LTBP1: variants seen among roughly 807,000 people sequenced by gnomAD.
LTBP1 encodes the protein latent transforming growth factor beta binding protein 1, also known as latent-transforming growth factor beta-binding protein 1.
Under a neutral mutation model 207.6 loss-of-function variants are expected in LTBP1, and 129 were observed. The ratio of observed to expected loss-of-function variants is 0.62; its 90% CI spans 0.54 to 0.72. LTBP1 has a LOEUF of 0.72. LTBP1 is among the 30% of genes least tolerant of loss of function. LTBP1 has a pLI of 0.00. For synonymous variants in LTBP1, 963 were observed against 833.7 expected (o/e 1.16, Z -2.67); for missense variants, 2,281 against 2,217.2 (o/e 1.03, Z -0.58).
intron 3 of LTBP1, among the ~76,000 whole-genome samples, chr2:33,102,282 G>T (rs1034288543): frequency 2.0e-5 from 3 of 151,350 alleles, no homozygotes; most frequent in South Asian, 2.1e-4. Context: ...CTGTTGGGGT[G>T]GGGGGCTGTT....
intron 5 of LTBP1, among the ~76,000 whole-genome samples, chr2:33,175,105 T>C (rs552884608): frequency 6.6e-6 from 1 of 152,134 alleles, no homozygotes; most frequent in African/African-American, 2.4e-5. Context: ...GGGCAAGGAC[T>C]TCATGTCTAA....
chr2:33,364,392 A>G (rs754896180), intron 30 of LTBP1, 36 bp downstream of exon 30: 2 of 1,581,070 alleles, frequency 1.3e-6, no homozygotes, highest in South Asian at 1.2e-5. Context: ...GTGTCCAAAT[A>G]ACTATCATAA....
chr2:33,186,779 G>A (rs2087250311), intron 5 of LTBP1, 77 bp from the exon 6 acceptor site: 1 of 1,087,920 alleles, frequency 9.2e-7, no homozygotes. Flanking sequence ...TGTATGTTTT[G>A]CAGGTTTTGT....
chr2:32,991,166 CAG>C (rs1558482898), intron 2 of LTBP1, among the ~76,000 whole-genome samples: 1 of 152,158 alleles, frequency 6.6e-6, no homozygotes, highest in Non-Finnish European at 1.5e-5. Flanking sequence ...AGTTACGAAA[CAG>C]AAGATATGAT....
At chr2:32,967,697 C>G (rs150696) in intron 2 of LTBP1, among the ~76,000 whole-genome samples, 67,643 of 151,856 alleles carry the variant, frequency 0.45, 15,673 homozygotes, top group Non-Finnish European at 0.5. Context: ...ATGATTTTTA[C>G]TCTTTTAAGT....
At chr2:33,166,958 A>G (rs978401867) in intron 5 of LTBP1, among the ~76,000 whole-genome samples, 3 of 151,576 alleles carry the variant, frequency 2.0e-5, no homozygotes, top group Non-Finnish European at 4.4e-5. Flanking sequence ...AACACCCTCT[A>G]CTCCCTTTTA....
intron 11 of LTBP1, among the ~76,000 whole-genome samples, chr2:33,254,864 T>TTG (rs2092799699): frequency 2.7e-5 from 3 of 110,874 alleles, no homozygotes; most frequent in African/African-American, 1.0e-4. Context: ...TTTTTTTTTT[T>TTG]TTTTTTTTTT....
At chr2:33,273,921 AGCTCAAAAAAAGGTTTGC>A in intron 16 of LTBP1, 140 bp downstream of exon 16, 4 of 595,488 alleles carry the variant, frequency 6.7e-6, no homozygotes, top group Non-Finnish European at 1.0e-5. Flanking sequence ...TAGCTAAGGG[AGCTCAAAAAAAGGTTTGC>A]TAAACAACTG....
chr2:33,279,384 A>T (rs1021493059), intron 18 of LTBP1, among the ~76,000 whole-genome samples: 11 of 152,198 alleles, frequency 7.2e-5, no homozygotes, highest in Non-Finnish European at 1.5e-5. Flanking sequence ...ATGATGATTA[A>T]TGACTTCAGT....
intron 7 of LTBP1, among the ~76,000 whole-genome samples, chr2:33,191,448 A>G (rs2087864229): frequency 6.6e-6 from 1 of 152,236 alleles, no homozygotes; most frequent in East Asian, 1.9e-4. Flanking sequence ...TCAAAATAAG[A>G]CCTGTTTTTT....
At chr2:33,108,946 A>G (rs1160205163) in intron 3 of LTBP1, among the ~76,000 whole-genome samples, 1 of 152,210 alleles carries the variant, frequency 6.6e-6, no homozygotes, top group Non-Finnish European at 1.5e-5. Flanking sequence ...TCAGGCTTTT[A>G]GTAATTTAGT....
In LTBP1 at chr2:33,297,399, CTTTATTTATTTATTTATTTA is replaced by C. The variant is rs58504404; in HGVS notation, c.3236-3021_3236-3002del. The stretch of plus-strand genomic sequence containing the variant: ...GTCAGAGCTAGGATCTAATATACTG[CTTTATTTATTTATTTATTTA>C]TTTATTTATTTATTTATTTATTTAT... On this transcript the variant is annotated intron_variant, in intron 20 of 33. Coordinates refer to ENST00000404816, the MANE Select transcript of LTBP1 (RefSeq NM_206943.4). Among the ~76,000 whole-genome samples, 936 of 140,374 alleles carry C rather than the reference CTTTATTTATTTATTTATTTA, an allele frequency of 6.7e-3. 5 individuals are homozygous for C. Among genetic ancestry groups the C allele is most frequent in the Middle Eastern group, 0.028 (8 of 282 alleles). The allele number at this position is 140,374 out of a possible 152,430, so 92.1% of individuals were successfully genotyped here. A position where few individuals can be genotyped will look rare whatever the true frequency, so the allele number is the denominator to read the frequency against.
chr2:33,398,495 A>T lies in LTBP1; in HGVS notation c.5116A>T (p.Thr1706Ser), dbSNP rs1216229491. The T allele has an allele frequency of 6.2e-7, 1 of 1,614,202 alleles. No homozygotes were observed. Among genetic ancestry groups the T allele is most frequent in the African/African-American group, 1.3e-5 (1 of 75,058 alleles). ...YVPSDKPNYCTPLNTALNLEK... is the reference protein window; with the variant it reads ...YVPSDKPNYCSPLNTALNLEK... ...GCCTTCTGACAAGCCAAACTACTGC[A>T]CTCCGTTGAATACCGCCTTGAATTT... is the stretch of plus-strand genomic sequence containing the variant. Residue 1706 changes from threonine (T) to serine (S), a missense_variant, in exon 34 of 34, where the codon ACT becomes TCT. Thr to Ser is a moderately conservative substitution (Grantham distance 58). This residue lies in a region of LTBP1 where 1,671 missense variants were observed against 1,634.8 expected (regional missense o/e 1.02). Transcript: ENST00000404816.
intron 3 of LTBP1, among the ~76,000 whole-genome samples, chr2:33,041,942 A>G (rs1459676493): frequency 6.6e-6 from 1 of 152,206 alleles, no homozygotes; most frequent in Admixed American, 6.5e-5. Context: ...TATAGTGACT[A>G]TACCATTTTG....
chr2:33,197,159 G>A (rs2149001687), intron 7 of LTBP1, among the ~76,000 whole-genome samples: 1 of 152,132 alleles, frequency 6.6e-6, no homozygotes, highest in East Asian at 1.9e-4. Context: ...GTCTCTATAG[G>A]CATCACTAAA....
chr2:33,307,553 G>A (rs1469515967), intron 22 of LTBP1, among the ~76,000 whole-genome samples: 2 of 152,194 alleles, frequency 1.3e-5, no homozygotes, highest in East Asian at 3.8e-4. Context: ...GGAGTGAGAG[G>A]GAATGTATTG....
intron 3 of LTBP1, among the ~76,000 whole-genome samples, chr2:33,110,062 A>G (rs1037103275): frequency 2.0e-5 from 3 of 152,102 alleles, no homozygotes; most frequent in African/African-American, 7.2e-5. Context: ...CGCTTACTAA[A>G]TATATACCTG....
At chr2:32,982,061 G>A (rs1044290420) in intron 2 of LTBP1, among the ~76,000 whole-genome samples, 1 of 152,154 alleles carries the variant, frequency 6.6e-6, no homozygotes, top group African/African-American at 2.4e-5. Flanking sequence ...AGTTTGGAGG[G>A]CTCAGAAGAC....
chr2:33,272,428 C>G (rs1464253631), intron 15 of LTBP1, among the ~76,000 whole-genome samples: 1 of 152,160 alleles, frequency 6.6e-6, no homozygotes, highest in Admixed American at 6.5e-5. Context: ...CTCTTTTGAG[C>G]CTTGTTTACT....
Sources: allele counts gnomAD v4.1 joint callset (sites outside exome capture counted in the v4.1 genomes callset), GRCh38; gene constraint gnomAD v4.1.1; regional missense constraint gnomAD v4.1.1; transcripts MANE v1.5; gene names NCBI Gene and HGNC (gene_info 2026-07-23, HGNC 2026-07-21).